Variants in ABCD3 observed in about 807,000 individuals in gnomAD.
ABCD3 encodes ATP-binding cassette sub-family D member 3.
A neutral mutation model predicts 105.5 loss-of-function variants in ABCD3; 41 were observed. The observed-to-expected ratio is 0.39, with a 90% CI of 0.30 to 0.50. The LOEUF is 0.50. Among genes scored for constraint, ABCD3 ranks in the 20% least tolerant of loss-of-function variants. ABCD3 has a pLI of 0.84. For missense variants in ABCD3, 622 were observed against 806.3 expected, an observed-to-expected ratio of 0.77 and a Z score of 2.77; for synonymous variants, 258 against 269.0, an observed-to-expected ratio of 0.96 and a Z score of 0.40.
At chr1:94,385,741 C>T in the ABCD3 span, among the ~76,000 whole-genome samples, 3 of 152,190 alleles carry the variant, frequency 2.0e-5, no homozygotes, top group South Asian at 2.1e-4. Flanking sequence ...TTACCCATAG[C>T]TTGAGAACTG....
intron 8 of ABCD3, among the ~76,000 whole-genome samples, chr1:94,479,495 AAGAT>A (rs1648931899): frequency 6.6e-6 from 1 of 152,140 alleles, no homozygotes; most frequent in African/African-American, 2.4e-5. Flanking sequence ...TAGGAATAAA[AAGAT>A]AAGTAAGACA....
rs760460455 is a variant in ABCD3, at chr1:94,458,590, C to G, written c.111-17C>G. ...TCACATAAAGTAAAGCTCTCTCTCT[C>G]TTTTTTTCCTCTGCAGTAAGAAAAG... is the stretch of plus-strand genomic sequence containing the variant. On this transcript the variant is annotated splice_polypyrimidine_tract_variant and intron_variant, in intron 1 of 22. Coordinates refer to ENST00000370214, the MANE Select transcript of ABCD3 (RefSeq NM_002858.4). The G allele has an allele frequency of 1.4e-5, 22 of 1,607,552 alleles. No individual in the cohort carries two copies. Among genetic ancestry groups the G allele is most frequent in the Non-Finnish European group, 1.9e-5 (22 of 1,174,456 alleles).
chr1:94,430,647 T>C (rs1000039586), intron 1 of ABCD3, among the ~76,000 whole-genome samples: 1 of 152,172 alleles, frequency 6.6e-6, no homozygotes, highest in Non-Finnish European at 1.5e-5. Flanking sequence ...TCCCCAGCCA[T>C]GTGGAACTGT....
chr1:94,499,112 C>T, intron 19 of ABCD3, 78 bp downstream of exon 19: 1 of 1,301,704 alleles, frequency 7.7e-7, no homozygotes, highest in South Asian at 1.2e-5. Flanking sequence ...ATTTTAAATG[C>T]CAGGTAGTTT....
the ABCD3 span, among the ~76,000 whole-genome samples, chr1:94,393,328 G>A: frequency 1.3e-5 from 2 of 151,622 alleles, no homozygotes; most frequent in Non-Finnish European, 2.9e-5. Flanking sequence ...GAAGGAGGAA[G>A]ATCCGAAAGA....
At chr1:94,385,361 A>G in the ABCD3 span, among the ~76,000 whole-genome samples, 1 of 152,072 alleles carries the variant, frequency 6.6e-6, no homozygotes, top group African/African-American at 2.4e-5. Flanking sequence ...ACAACATGTG[A>G]GGAGACTCCA....
At chr1:94,387,738 G>A in the ABCD3 span, among the ~76,000 whole-genome samples, 4 of 152,150 alleles carry the variant, frequency 2.6e-5, no homozygotes, top group African/African-American at 7.2e-5. Flanking sequence ...AGTGTTATGC[G>A]ATCTTCAGCT....
chr1:94,395,351 C>T, the ABCD3 span, among the ~76,000 whole-genome samples: 1 of 152,276 alleles, frequency 6.6e-6, no homozygotes, highest in African/African-American at 2.4e-5. Context: ...TGGAGTTCCA[C>T]AGGGAACTCC....
chr1:94,411,553 C>A, the ABCD3 span, among the ~76,000 whole-genome samples: 1 of 152,096 alleles, frequency 6.6e-6, no homozygotes, highest in African/African-American at 2.4e-5. Flanking sequence ...AATGGTTCAG[C>A]TGCTGTGGAA....
At chr1:94,393,172 G>C in the ABCD3 span, among the ~76,000 whole-genome samples, 1 of 152,094 alleles carries the variant, frequency 6.6e-6, no homozygotes, top group African/African-American at 2.4e-5. Flanking sequence ...GTAGATGGTT[G>C]TAATGAGTCC....
intron 8 of ABCD3, chr1:94,478,709 T>C: frequency 1.0e-6 from 1 of 960,550 alleles, no homozygotes; most frequent in Non-Finnish European, 1.4e-6. Context: ...AAAACAGAAG[T>C]TCTTAAACCA....
intron 1 of ABCD3, among the ~76,000 whole-genome samples, chr1:94,443,061 G>T (rs1660190609): frequency 6.6e-6 from 1 of 152,104 alleles, no homozygotes; most frequent in African/African-American, 2.4e-5. Flanking sequence ...CATAAAGATG[G>T]TAATAATTTA....
chr1:94,449,831 A>T lies in ABCD3; in HGVS notation c.111-8776A>T, dbSNP rs567412472. Among the ~76,000 whole-genome samples, 5 of 152,348 alleles carry T rather than the reference A, an allele frequency of 3.3e-5. No homozygotes were observed. The East Asian group carries it at 9.7e-4, about 29-fold the overall frequency. On this transcript the variant is annotated intron_variant, in intron 1 of 22. Transcript: ENST00000370214. The stretch of plus-strand genomic sequence containing the variant: ...TCAGATGGTAGAAATGGTAAGAAGT[A>T]TGGCAAGAGTTCCTATTATCTGGAA...
In ABCD3 at chr1:94,483,023, A is replaced by G. The variant is rs1401304498; in HGVS notation, c.828-147A>G. 6 of 662,626 alleles carry G rather than the reference A, an allele frequency of 9.1e-6. No homozygotes were observed. In the Admixed American group the frequency reaches 1.3e-4, roughly 15 times the overall value. 41.0% of individuals were successfully genotyped at this position (662,626 alleles called of 1,614,324 possible). On this transcript the variant is annotated intron_variant, in intron 9 of 22. Transcript: ENST00000370214. Reference sequence around the variant, plus strand: ...GAGCTAGGAACAGAATCTCAGGTATAGACTGTGGCTTGAGATGCACCAGAT... The same window carrying G: ...GAGCTAGGAACAGAATCTCAGGTATGGACTGTGGCTTGAGATGCACCAGAT...
chr1:94,471,045 T>TA (rs1037732917), intron 4 of ABCD3, among the ~76,000 whole-genome samples: 1 of 152,208 alleles, frequency 6.6e-6, no homozygotes, highest in African/African-American at 2.4e-5. Flanking sequence ...GTAAGTGCCT[T>TA]AAACACTTAC....
chr1:94,448,779 A>G (rs1570757933), intron 1 of ABCD3, among the ~76,000 whole-genome samples: 1 of 152,210 alleles, frequency 6.6e-6, no homozygotes, highest in African/African-American at 2.4e-5. Context: ...ATTTTTCTCT[A>G]TGTGGAATAT....
chr1:94,427,160 C>T (rs1310407668), intron 1 of ABCD3, among the ~76,000 whole-genome samples: 2 of 152,082 alleles, frequency 1.3e-5, no homozygotes, highest in Non-Finnish European at 2.9e-5. Context: ...GTATCCATAA[C>T]CTGATGCATA....
intron 16 of ABCD3, among the ~76,000 whole-genome samples, chr1:94,491,964 C>A (rs1277556474): frequency 6.6e-6 from 1 of 152,072 alleles, no homozygotes; most frequent in Non-Finnish European, 1.5e-5. Context: ...ATTCTAGACA[C>A]CATTCCTCTA....
intron 4 of ABCD3, chr1:94,472,123 G>A (rs1214978767): frequency 1.8e-6 from 1 of 567,896 alleles, no homozygotes; most frequent in Non-Finnish European, 2.2e-6. Flanking sequence ...GGAAGTTGTA[G>A]TGATTAGGGC....
Sources: allele counts gnomAD v4.1 joint callset (sites outside exome capture counted in the v4.1 genomes callset), GRCh38; gene constraint gnomAD v4.1.1; transcripts MANE v1.5; gene names NCBI Gene and HGNC (gene_info 2026-07-23, HGNC 2026-07-21).